The following CSMD1 variants were observed in gnomAD, a reference collection of about 807,000 sequenced individuals.
CSMD1 encodes the protein CUB and Sushi multiple domains 1.
In CSMD1, 213 loss-of-function variants were observed where a neutral mutation model predicts 417.5. The ratio of observed to expected loss-of-function variants is 0.51; its 90% confidence interval spans 0.46 to 0.57. The LOEUF is 0.57. CSMD1 is among the 20% of genes least tolerant of loss of function. CSMD1 has a pLI of 0.00. For missense variants in CSMD1, 6,923 were observed against 4,529.7 expected, an observed-to-expected ratio of 1.53 and a Z score of -15.17; for synonymous variants, 2,862 against 1,736.8, an observed-to-expected ratio of 1.65 and a Z score of -16.11.
At chr8:4,215,353 C>T (rs903134152) in intron 3 of CSMD1, among the ~76,000 whole-genome samples, 4 of 152,168 alleles carry the variant, frequency 2.6e-5, no homozygotes, top group Non-Finnish European at 5.9e-5. Context: ...GATGGCACTT[C>T]CTTTCTTGCA....
intron 5 of CSMD1, among the ~76,000 whole-genome samples, chr8:3,875,293 A>C (rs892093030): frequency 1.3e-5 from 2 of 152,272 alleles, no homozygotes; most frequent in East Asian, 1.9e-4. Flanking sequence ...ACACTGCATT[A>C]AGGATCCTAA....
intron 3 of CSMD1, among the ~76,000 whole-genome samples, chr8:4,098,705 T>G (rs1057431849): frequency 1.3e-5 from 2 of 152,222 alleles, no homozygotes; most frequent in African/African-American, 4.8e-5. Flanking sequence ...CTGTAGCACC[T>G]ACTCTAGGTT....
chr8:3,127,163 T>C (rs1817552757), intron 41 of CSMD1, among the ~76,000 whole-genome samples: 1 of 152,140 alleles, frequency 6.6e-6, no homozygotes, highest in African/African-American at 2.4e-5. Flanking sequence ...GTCTCGTACA[T>C]GGTTGCCCTA....
At chr8:4,925,600 G>A (rs1021033383) in intron 1 of CSMD1, among the ~76,000 whole-genome samples, 1 of 150,196 alleles carries the variant, frequency 6.7e-6, no homozygotes, top group Admixed American at 6.6e-5. Context: ...AGGCTGGAGT[G>A]CAGTGGTGCA....
At chr8:4,034,437 GTCT>G (rs1471403989) in intron 3 of CSMD1, among the ~76,000 whole-genome samples, 2 of 152,068 alleles carry the variant, frequency 1.3e-5, no homozygotes, top group Non-Finnish European at 2.9e-5. Context: ...AATCATTTTT[GTCT>G]TTTTTAATAA....
intron 3 of CSMD1, among the ~76,000 whole-genome samples, chr8:4,252,980 C>T (rs1235482123): frequency 6.6e-6 from 1 of 152,186 alleles, no homozygotes; most frequent in African/African-American, 2.4e-5. Flanking sequence ...CCCAGTAAGC[C>T]TATGAGTTTT....
At chr8:4,105,454 C>A (rs1382251071) in intron 3 of CSMD1, among the ~76,000 whole-genome samples, 1 of 152,126 alleles carries the variant, frequency 6.6e-6, no homozygotes, top group African/African-American at 2.4e-5. Flanking sequence ...ATGATGTATT[C>A]ATTCAGTAAA....
intron 1 of CSMD1, among the ~76,000 whole-genome samples, chr8:4,750,758 AAAAAAAAAAAGTAGTATTAG>A (rs1464261177): frequency 2.0e-5 from 3 of 152,160 alleles, no homozygotes; most frequent in Non-Finnish European, 2.9e-5. Flanking sequence ...CCCAAGGAAA[AAAAAAAAAAAGTAGTATTAG>A]CATAAAATGT....
At chr8:3,668,980 T>C (rs1200723500) in intron 7 of CSMD1, among the ~76,000 whole-genome samples, 1 of 152,132 alleles carries the variant, frequency 6.6e-6, no homozygotes, top group Non-Finnish European at 1.5e-5. Context: ...AGCAACCAGG[T>C]TAGCCTGTGC....
At chr8:4,466,570 C>T (rs1324053089) in intron 2 of CSMD1, among the ~76,000 whole-genome samples, 1 of 152,112 alleles carries the variant, frequency 6.6e-6, no homozygotes, top group African/African-American at 2.4e-5. Context: ...CAAACAAATG[C>T]CAACAGTGTC....
chr8:3,634,912 T>C (rs1009026742), intron 7 of CSMD1, among the ~76,000 whole-genome samples: 1 of 152,162 alleles, frequency 6.6e-6, no homozygotes, highest in African/African-American at 2.4e-5. Context: ...GTACAGCCGC[T>C]TGCTCCTAGG....
chr8:3,641,947 G>C (rs1005548008), intron 7 of CSMD1, among the ~76,000 whole-genome samples: 3 of 152,158 alleles, frequency 2.0e-5, no homozygotes, highest in Non-Finnish European at 4.4e-5. Flanking sequence ...AGCACTGAGT[G>C]AATCCCTGAC....
At chr8:3,133,318 T>A (rs1380452940) in intron 41 of CSMD1, among the ~76,000 whole-genome samples, 1 of 152,122 alleles carries the variant, frequency 6.6e-6, no homozygotes, top group Non-Finnish European at 1.5e-5. Context: ...GGAGGCTACT[T>A]TCCACTACCC....
intron 5 of CSMD1, among the ~76,000 whole-genome samples, chr8:3,985,499 C>T (rs1438109801): frequency 6.6e-6 from 1 of 152,070 alleles, no homozygotes; most frequent in Admixed American, 6.6e-5. Flanking sequence ...AGTCTCCATC[C>T]CAAATGTTTC....
At chr8:4,519,150 T>C (rs1036014210) in intron 2 of CSMD1, among the ~76,000 whole-genome samples, 10 of 152,160 alleles carry the variant, frequency 6.6e-5, no homozygotes, top group Non-Finnish European at 1.2e-4. Context: ...TGCATTAATG[T>C]GTTAAATTAT....
At chr8:4,601,545 A>G (rs1800584221) in intron 2 of CSMD1, among the ~76,000 whole-genome samples, 1 of 152,164 alleles carries the variant, frequency 6.6e-6, no homozygotes, top group African/African-American at 2.4e-5. Flanking sequence ...GGTCATACAG[A>G]TGATAAAAGG....
At chr8:4,138,432 C>A (rs1348934488) in intron 3 of CSMD1, among the ~76,000 whole-genome samples, 2 of 151,938 alleles carry the variant, frequency 1.3e-5, no homozygotes, top group African/African-American at 4.8e-5. Context: ...TCAAAAACAC[C>A]TTCTATCAAA....
chr8:4,756,029 G>C (rs1811646826), intron 1 of CSMD1, among the ~76,000 whole-genome samples: 1 of 152,100 alleles, frequency 6.6e-6, no homozygotes, highest in Non-Finnish European at 1.5e-5. Context: ...TAATTGTTTA[G>C]TTCACAAATA....
rs573338542 is a variant in CSMD1, at chr8:4,217,688, T to C, written c.416-185589A>G. ...AAAAAAAAATTAGGAGCTAATTTTG[T>C]TGTCTGAATTTAAAGTTTTAGGAAA... is the stretch of plus-strand genomic sequence containing the variant. On this transcript the variant is annotated intron_variant, in intron 3 of 69. Coordinates refer to ENST00000635120, the MANE Select transcript of CSMD1 (RefSeq NM_033225.6). Among the ~76,000 whole-genome samples the C allele has an allele frequency of 4.6e-5, 7 of 152,214 alleles. No individual in the cohort carries two copies. In the South Asian group the frequency reaches 1.2e-3, roughly 27 times the overall value.
Sources: allele counts gnomAD v4.1 joint callset (sites outside exome capture counted in the v4.1 genomes callset), GRCh38; gene constraint gnomAD v4.1.1; transcripts MANE v1.5; gene names NCBI Gene and HGNC (gene_info 2026-07-23, HGNC 2026-07-21).